Variants in MAGI1 observed in about 807,000 individuals in gnomAD.
MAGI1 encodes membrane associated guanylate kinase, WW and PDZ domain containing 1.
Under a neutral mutation model 139.9 loss-of-function variants are expected in MAGI1, and 58 were observed. The ratio of observed to expected loss-of-function variants is 0.41; its 90% CI spans 0.34 to 0.52. The LOEUF is 0.52. MAGI1 is among the 20% of genes least tolerant of loss of function. The pLI is 0.12. For missense variants in MAGI1, 1,874 were observed against 1,901.6 expected (o/e 0.99, Z 0.27); for synonymous variants, 812 against 737.9 (o/e 1.10, Z -1.63).
intron 1 of MAGI1, among the ~76,000 whole-genome samples, chr3:66,003,594 A>G (rs150950852): frequency 0.014 from 2,034 of 148,376 alleles, 44 homozygotes; most frequent in African/African-American, 0.047. Context: ...AGTAGCTGGG[A>G]TTACAGACAC....
At chr3:65,814,142 G>A (rs2041455719) in intron 1 of MAGI1, among the ~76,000 whole-genome samples, 2 of 151,948 alleles carry the variant, frequency 1.3e-5, no homozygotes, top group Admixed American at 6.6e-5. Flanking sequence ...GAGGAGATCG[G>A]GTCTTTAGTA....
intron 1 of MAGI1, among the ~76,000 whole-genome samples, chr3:65,802,135 A>T (rs533078426): frequency 2.1e-4 from 32 of 152,274 alleles, no homozygotes; most frequent in South Asian, 4.2e-4. Flanking sequence ...GGTGCCAAAA[A>T]GGTTGGGGAC....
In MAGI1 at chr3:65,778,631, T is replaced by C. The variant is rs186109965; in HGVS notation, c.314-156543A>G. Among the ~76,000 whole-genome samples the C allele has an allele frequency of 3.0e-3, 457 of 152,208 alleles. 2 individuals carry two copies. Among genetic ancestry groups the C allele is most frequent in the African/African-American group, 0.011 (437 of 41,536 alleles). On this transcript the variant is annotated intron_variant, in intron 1 of 22. Transcript: ENST00000402939. ...GGTGAGGAAACAGCAGTTAAGCAAC[T>C]TGCCAGGACCACTCAGGTCAAAGAG...
intron 2 of MAGI1, among the ~76,000 whole-genome samples, chr3:65,507,544 T>A (rs560604220): frequency 6.6e-6 from 1 of 152,322 alleles, no homozygotes; most frequent in South Asian, 2.1e-4. Flanking sequence ...CCATAAATAA[T>A]GACATCAGCA....
At chr3:65,437,282 T>A (rs775593503) in intron 9 of MAGI1, 35 bp from the exon 10 acceptor site, 1 of 1,373,514 alleles carries the variant, frequency 7.3e-7, no homozygotes, top group Non-Finnish European at 1.0e-6. Flanking sequence ...CTATTTTTCC[T>A]TCAAATGGCT....
chr3:65,736,993 T>C (rs530786063), intron 1 of MAGI1, among the ~76,000 whole-genome samples: 3 of 151,808 alleles, frequency 2.0e-5, no homozygotes, highest in African/African-American at 7.3e-5. Flanking sequence ...CTGTCACACT[T>C]GCATCAAGAC....
chr3:66,038,256 C>T lies in MAGI1; in HGVS notation c.53G>A (p.Cys18Tyr). The T allele has an allele frequency of 6.2e-7, 1 of 1,610,110 alleles. No individual in the cohort carries two copies. Among genetic ancestry groups the T allele is most frequent in the Non-Finnish European group, 8.5e-7 (1 of 1,178,592 alleles). The change falls in exon 1 of 23, where the codon TGC becomes TAC. Residue 18 changes from cysteine (C) to tyrosine (Y), a missense_variant. This residue lies in a region of MAGI1 where 648 missense variants were observed against 598.1 expected (regional missense o/e 1.08). Transcript: ENST00000402939. ...KNHWTSRVHE[C>Y]TVKRGPQGEL... ...GCCCTGGGGTCCCCGCTTCACGGTG[C>T]ATTCGTGAACCCTGCTAGTCCAGTG... is the stretch of plus-strand genomic sequence containing the variant.
chr3:65,585,983 G>A (rs2106689983), intron 2 of MAGI1, among the ~76,000 whole-genome samples: 1 of 152,282 alleles, frequency 6.6e-6, no homozygotes, highest in Admixed American at 6.5e-5. Context: ...TGAAGCAGGA[G>A]GATCAGCGGA....
chr3:65,701,940 A>G (rs2089643745), intron 1 of MAGI1, among the ~76,000 whole-genome samples: 1 of 152,164 alleles, frequency 6.6e-6, no homozygotes, highest in African/African-American at 2.4e-5. Context: ...CGCTATGCAA[A>G]TTATATGCAA....
At chr3:65,409,485 G>C (rs528191721) in intron 12 of MAGI1, among the ~76,000 whole-genome samples, 1 of 152,108 alleles carries the variant, frequency 6.6e-6, no homozygotes, top group South Asian at 2.1e-4. Context: ...TTGTTGTTTT[G>C]TTTTAGCTAA....
rs1559517931 is a variant in MAGI1, at chr3:65,391,374, T to C, written c.2200-16A>G. Reference sequence around the variant, plus strand: ...CCAGTGGTTGCTGAAAGTAAGCAAGTGAGAGGGGCAAGAAGAAAAGATTAT... The same window carrying C: ...CCAGTGGTTGCTGAAAGTAAGCAAGCGAGAGGGGCAAGAAGAAAAGATTAT... On this transcript the variant is annotated splice_polypyrimidine_tract_variant and intron_variant, in intron 13 of 22. Transcript: ENST00000402939. The C allele has an allele frequency of 1.2e-6, 2 of 1,602,864 alleles. No individual in the cohort carries two copies. The highest frequency in any genetic ancestry group is 1.7e-6 in the Non-Finnish European group (2 of 1,169,880).
At chr3:65,389,369 C>T (rs187893439) in intron 14 of MAGI1, among the ~76,000 whole-genome samples, 10 of 152,274 alleles carry the variant, frequency 6.6e-5, no homozygotes, top group South Asian at 2.1e-4. Flanking sequence ...CAACCCAGGA[C>T]GCCCCCGCCA....
intron 1 of MAGI1, among the ~76,000 whole-genome samples, chr3:65,668,014 C>A (rs930317064): frequency 6.6e-6 from 1 of 152,118 alleles, no homozygotes; most frequent in East Asian, 1.9e-4. Flanking sequence ...AAATTAGTAA[C>A]ATCAGGTTTT....
chr3:65,761,667 G>T (rs542128368), intron 1 of MAGI1, among the ~76,000 whole-genome samples: 1 of 152,208 alleles, frequency 6.6e-6, no homozygotes, highest in African/African-American at 2.4e-5. Context: ...TCAGCCAGCG[G>T]GTTCCTCATT....
chr3:65,604,562 T>A (rs1248121618), intron 2 of MAGI1, among the ~76,000 whole-genome samples: 1 of 152,104 alleles, frequency 6.6e-6, no homozygotes, highest in Non-Finnish European at 1.5e-5. Context: ...AAATAATAAA[T>A]CACTTCACAG....
intron 1 of MAGI1, among the ~76,000 whole-genome samples, chr3:65,778,056 A>G (rs1286721285): frequency 6.6e-6 from 1 of 152,222 alleles, no homozygotes; most frequent in Non-Finnish European, 1.5e-5. Context: ...CATTTTAGAT[A>G]CTGTATTCTT....
intron 2 of MAGI1, among the ~76,000 whole-genome samples, chr3:65,595,689 A>C (rs940441277): frequency 1.3e-5 from 2 of 152,172 alleles, no homozygotes; most frequent in African/African-American, 4.8e-5. Flanking sequence ...CAAACACAAC[A>C]AATCCAAACA....
In MAGI1 at chr3:65,992,717, C is replaced by T. The variant is rs569404517; in HGVS notation, c.313+45279G>A. On this transcript the variant is annotated intron_variant, in intron 1 of 22. Coordinates refer to ENST00000402939, the MANE Select transcript of MAGI1 (RefSeq NM_001033057.2). ...ATTTTGAGTAATAAAACCCTCAATACCACCAACGCCTTCCAGATCCAGGAA... is the reference window on the plus strand; with the variant it reads ...ATTTTGAGTAATAAAACCCTCAATATCACCAACGCCTTCCAGATCCAGGAA... 4.3e-4 allele frequency among the ~76,000 whole-genome samples: 65 copies of T among 152,284 alleles called. 2 individuals are homozygous for T. The South Asian group carries it at 1.0e-2, about 23-fold the overall frequency.
At chr3:65,541,362 T>C (rs901300999) in intron 2 of MAGI1, among the ~76,000 whole-genome samples, 2 of 152,144 alleles carry the variant, frequency 1.3e-5, no homozygotes, top group Non-Finnish European at 2.9e-5. Context: ...GCTGATACCA[T>C]TGCTTCTGAA....
Sources: gnomAD v4.1 joint callset for allele counts (sites outside exome capture counted in the v4.1 genomes callset) on GRCh38, gnomAD v4.1.1 for gene constraint, gnomAD v4.1.1 regional missense constraint, MANE v1.5 for transcripts, NCBI Gene and HGNC (gene_info 2026-07-23, HGNC 2026-07-21) for gene names.